The following C12orf54 variants were observed in gnomAD, a reference collection of about 807,000 sequenced individuals.
The protein encoded by C12orf54 is uncharacterized protein C12orf54.
A neutral mutation model predicts 26.4 loss-of-function variants in C12orf54; 24 were observed. That is an observed-to-expected ratio of 0.91 (90% CI 0.66 to 1.28). The LOEUF (loss-of-function observed/expected upper bound fraction) is 1.28, where lower values mean the gene tolerates loss of function less well. Ranked by LOEUF, C12orf54 falls within the 50% of genes most tolerant of loss-of-function variation. The pLI is 0.00. For missense variants in C12orf54, 154 were observed against 150.9 expected, an observed-to-expected ratio of 1.02 and a Z score of -0.11; for synonymous variants, 54 against 47.0, an observed-to-expected ratio of 1.15 and a Z score of -0.61.
chr12:48,430,937 T>C, the C12orf54 span, among the ~76,000 whole-genome samples: 1 of 152,156 alleles, frequency 6.6e-6, no homozygotes, highest in Admixed American at 6.6e-5. Flanking sequence ...GAAACTGTGG[T>C]ATATATATAC....
At chr12:48,474,554 T>G in the C12orf54 span, among the ~76,000 whole-genome samples, 1 of 152,128 alleles carries the variant, frequency 6.6e-6, no homozygotes, top group Non-Finnish European at 1.5e-5. Flanking sequence ...AGTACTGCGC[T>G]TTTCCAATGG....
chr12:48,491,768 G>A (rs958352586), intron 6 of C12orf54, among the ~76,000 whole-genome samples: 6 of 152,154 alleles, frequency 3.9e-5, no homozygotes, highest in South Asian at 2.1e-4. Flanking sequence ...AGCCATATCT[G>A]GAACTTTTTT....
At chr12:48,492,468 T>C (rs529628860) in intron 6 of C12orf54, among the ~76,000 whole-genome samples, 51 of 152,304 alleles carry the variant, frequency 3.3e-4, no homozygotes, top group African/African-American at 1.1e-3. Flanking sequence ...TGCAGGGCCC[T>C]GGGAACACCC....
the C12orf54 span, among the ~76,000 whole-genome samples, chr12:48,427,748 C>T: frequency 6.6e-6 from 1 of 152,036 alleles, no homozygotes; most frequent in Non-Finnish European, 1.5e-5. Flanking sequence ...CCATTGACAG[C>T]ACTAGACAGG....
At chr12:48,488,481 CAAAAAA>C (rs551426749) in intron 4 of C12orf54, 3 of 204,186 alleles carry the variant, frequency 1.5e-5, no homozygotes, top group East Asian at 2.5e-4. Context: ...AACTTACAGC[CAAAAAA>C]AAAAAAAAGA....
At chr12:48,423,569 G>A in the C12orf54 span, among the ~76,000 whole-genome samples, 1 of 151,864 alleles carries the variant, frequency 6.6e-6, no homozygotes, top group Non-Finnish European at 1.5e-5. Context: ...CCATCTGAAC[G>A]CCCCCAAATT....
the C12orf54 span, among the ~76,000 whole-genome samples, chr12:48,461,749 A>T: frequency 6.6e-6 from 1 of 151,862 alleles, no homozygotes; most frequent in Admixed American, 6.6e-5. Context: ...TTTCCCATCA[A>T]TTTAGAGGGA....
chr12:48,438,686 A>G, the C12orf54 span, among the ~76,000 whole-genome samples: 1 of 152,238 alleles, frequency 6.6e-6, no homozygotes, highest in Admixed American at 6.5e-5. Context: ...TGGTGCTGGG[A>G]AAACTGGCTA....
chr12:48,472,715 C>A, the C12orf54 span: 1 of 1,613,926 alleles, frequency 6.2e-7, no homozygotes, highest in Non-Finnish European at 8.5e-7. Context: ...GGACGCCCTC[C>A]GATGTGAAAG....
the C12orf54 span, among the ~76,000 whole-genome samples, chr12:48,452,624 C>T: frequency 5.9e-5 from 9 of 151,780 alleles, no homozygotes; most frequent in African/African-American, 1.9e-4. Context: ...GTCTAGTATC[C>T]AGCATTTATA....
chr12:48,476,079 G>A, the C12orf54 span, among the ~76,000 whole-genome samples: 4 of 152,214 alleles, frequency 2.6e-5, no homozygotes, highest in Non-Finnish European at 4.4e-5. Flanking sequence ...AGAAGAGAGT[G>A]GGGGCCAATA....
intron 6 of C12orf54, 104 bp downstream of exon 6, chr12:48,490,940 G>A: frequency 7.2e-7 from 1 of 1,388,292 alleles, no homozygotes; most frequent in East Asian, 2.3e-5. Context: ...ATGGAGATAA[G>A]AAGTGAGATA....
At chr12:48,423,794 G>T in the C12orf54 span, among the ~76,000 whole-genome samples, 2 of 151,920 alleles carry the variant, frequency 1.3e-5, no homozygotes, top group South Asian at 4.1e-4. Context: ...TATTAATAAA[G>T]AGAGTGCTAC....
chr12:48,422,989 G>A, the C12orf54 span, among the ~76,000 whole-genome samples: 11 of 152,130 alleles, frequency 7.2e-5, no homozygotes, highest in Non-Finnish European at 2.9e-5. Flanking sequence ...AAGCCAGACA[G>A]CATTGCCAAA....
chr12:48,469,323 C>T, the C12orf54 span, among the ~76,000 whole-genome samples: 1 of 152,206 alleles, frequency 6.6e-6, no homozygotes, highest in Non-Finnish European at 1.5e-5. Flanking sequence ...CCTGGGAATG[C>T]CTTCGTTTTC....
upstream of C12orf54, among the ~76,000 whole-genome samples, chr12:48,477,521 TA>T (rs1954156131): frequency 6.6e-6 from 1 of 151,374 alleles, no homozygotes. Context: ...AAGAAGAAAA[TA>T]GAGAAGAATC....
the C12orf54 span, among the ~76,000 whole-genome samples, chr12:48,436,469 C>A: frequency 6.6e-6 from 1 of 152,126 alleles, no homozygotes; most frequent in Non-Finnish European, 1.5e-5. Flanking sequence ...TTTTTCAGCA[C>A]CACACCACAC....
At chr12:48,490,481 C>T (rs1937763787) in intron 5 of C12orf54, among the ~76,000 whole-genome samples, 2 of 152,052 alleles carry the variant, frequency 1.3e-5, no homozygotes, top group East Asian at 1.9e-4. Flanking sequence ...GGTGAATCCC[C>T]ATCTCTACTA....
At chr12:48,474,482 C>T in the C12orf54 span, among the ~76,000 whole-genome samples, 1 of 152,172 alleles carries the variant, frequency 6.6e-6, no homozygotes, top group African/African-American at 2.4e-5. Context: ...CAGGGAATTC[C>T]CTTTCCTAGT....
Sources: gnomAD v4.1 joint callset for allele counts (sites outside exome capture counted in the v4.1 genomes callset) on GRCh38, gnomAD v4.1.1 for gene constraint, MANE v1.5 for transcripts, NCBI Gene and HGNC (gene_info 2026-07-23, HGNC 2026-07-21) for gene names.